ARMH4: variants seen among roughly 807,000 people sequenced by gnomAD.
ARMH4 encodes armadillo like helical domain containing 4.
ARMH4 carries 49 observed loss-of-function variants against 61.9 expected under a neutral mutation model. The ratio of observed to expected loss-of-function variants is 0.79; its 90% CI spans 0.63 to 1.00. ARMH4 has a LOEUF of 1.00. Among genes scored for constraint, ARMH4 ranks in the 50% least tolerant of loss-of-function variants. The pLI, the probability that ARMH4 is intolerant of heterozygous loss-of-function variation, is 0.00. For missense variants in ARMH4, 934 were observed against 930.0 expected, an observed-to-expected ratio of 1.00 and a Z score of -0.06; for synonymous variants, 368 against 341.5, an observed-to-expected ratio of 1.08 and a Z score of -0.85.
At chr14:58,091,430 G>A (rs1301775745) in intron 5 of ARMH4, among the ~76,000 whole-genome samples, 1 of 152,154 alleles carries the variant, frequency 6.6e-6, no homozygotes, top group Non-Finnish European at 1.5e-5. Flanking sequence ...AGACCCAGGA[G>A]CTTTATTTCT....
At chr14:58,027,900 T>C (rs543737936) in intron 5 of ARMH4, among the ~76,000 whole-genome samples, 1 of 152,358 alleles carries the variant, frequency 6.6e-6, no homozygotes, top group South Asian at 2.1e-4. Context: ...AGAACTTTTC[T>C]GCCATCTAAA....
intron 5 of ARMH4, among the ~76,000 whole-genome samples, chr14:58,015,813 AC>A (rs1882590867): frequency 6.6e-6 from 1 of 151,310 alleles, no homozygotes; most frequent in Admixed American, 6.6e-5. Context: ...TAATCCCAGC[AC>A]TTCGGGAGGC....
chr14:58,027,105 G>A (rs903454215), intron 5 of ARMH4, among the ~76,000 whole-genome samples: 3 of 152,136 alleles, frequency 2.0e-5, no homozygotes, highest in Non-Finnish European at 4.4e-5. Context: ...TCACAATAAT[G>A]GGCAAATACC....
chr14:58,096,594 T>G (rs756000484), intron 5 of ARMH4, 130 bp downstream of exon 5: 38 of 1,008,850 alleles, frequency 3.8e-5, no homozygotes, highest in Non-Finnish European at 5.0e-5. Flanking sequence ...CACCCATAAA[T>G]GTAGAAACCA....
chr14:58,008,253 GA>G (rs1882258705), intron 6 of ARMH4, among the ~76,000 whole-genome samples: 1 of 152,116 alleles, frequency 6.6e-6, no homozygotes, highest in Non-Finnish European at 1.5e-5. Flanking sequence ...AATGGTTCAG[GA>G]AAAAAGAGGA....
At chr14:58,029,775 C>G (rs1417451521) in intron 5 of ARMH4, among the ~76,000 whole-genome samples, 4 of 152,116 alleles carry the variant, frequency 2.6e-5, no homozygotes, top group African/African-American at 9.7e-5. Flanking sequence ...AATGATGCAG[C>G]CACTGTGGAA....
chr14:58,123,379 AC>A (rs1208561845), intron 4 of ARMH4, among the ~76,000 whole-genome samples: 1 of 152,126 alleles, frequency 6.6e-6, no homozygotes, highest in Non-Finnish European at 1.5e-5. Context: ...CAAAGGCAGT[AC>A]CCCCTTAGAC....
chr14:58,138,159 G>C lies in ARMH4; in HGVS notation c.1200C>G (p.Pro400=). 6.2e-7 allele frequency: 1 copy of C among 1,614,128 alleles called. No individual in the cohort carries two copies. The highest frequency in any genetic ancestry group is 8.5e-7 in the Non-Finnish European group (1 of 1,180,016). The change falls in exon 2 of 8, where the codon CCC becomes CCG. Residue 400 remains proline (P), a synonymous_variant. Transcript: ENST00000267485. ...CTTTCATGTCTTCCATCAGACTTGTGGGGGTAAAGGAACTTTGATCAGTGA... is the reference window on the plus strand; with the variant it reads ...CTTTCATGTCTTCCATCAGACTTGTCGGGGTAAAGGAACTTTGATCAGTGA... ...PAFTDQSSFT[P]TSLMEDMKVS...
intron 1 of ARMH4, among the ~76,000 whole-genome samples, chr14:58,151,167 G>C (rs1887906690): frequency 6.6e-6 from 1 of 152,194 alleles, no homozygotes; most frequent in Admixed American, 6.5e-5. Flanking sequence ...TTCCACATCA[G>C]TTCTGCACTG....
At chr14:58,114,081 G>T (rs575115782) in intron 4 of ARMH4, among the ~76,000 whole-genome samples, 107 of 152,056 alleles carry the variant, frequency 7.0e-4, no homozygotes, top group Non-Finnish European at 8.1e-4. Flanking sequence ...TTGTTAATTT[G>T]TTGATATTTT....
Position 58,106,155 on chromosome 14 carries a change from T to C in ARMH4, c.1832-9174A>G, listed in dbSNP as rs1239213122. Among the ~76,000 whole-genome samples, 8 of 152,338 alleles carry C rather than the reference T, an allele frequency of 5.3e-5. No homozygotes were observed. The South Asian group carries it at 1.7e-3, about 32-fold the overall frequency. On this transcript the variant is annotated intron_variant, in intron 4 of 7. Transcript: ENST00000267485. ...CATCTCTTTAGAAGACGTGTCCCAC[T>C]GAGTCCAGCATGCACAGACAGGAAC... is the stretch of plus-strand genomic sequence containing the variant.
At chr14:58,119,670 C>T (rs542546197) in intron 4 of ARMH4, among the ~76,000 whole-genome samples, 38 of 152,204 alleles carry the variant, frequency 2.5e-4, no homozygotes, top group Admixed American at 2.1e-3. Context: ...TCCTCAAAAA[C>T]GACATGTATC....
intron 1 of ARMH4, among the ~76,000 whole-genome samples, chr14:58,146,007 A>G (rs1285094779): frequency 6.6e-6 from 1 of 152,252 alleles, no homozygotes; most frequent in Non-Finnish European, 1.5e-5. Flanking sequence ...TGGGAGTTAC[A>G]TGATGCTCAA....
At chr14:58,032,129 C>A (rs997464803) in intron 5 of ARMH4, among the ~76,000 whole-genome samples, 1 of 152,024 alleles carries the variant, frequency 6.6e-6, no homozygotes, top group African/African-American at 2.4e-5. Flanking sequence ...GGCCCTTCGT[C>A]GGAGAGGTCT....
At chr14:58,109,950 G>A (rs1886295797) in intron 4 of ARMH4, among the ~76,000 whole-genome samples, 1 of 152,208 alleles carries the variant, frequency 6.6e-6, no homozygotes, top group Admixed American at 6.5e-5. Flanking sequence ...AAGACCATGA[G>A]TGAGTGTGAA....
At chr14:58,058,871 A>G (rs546996528) in intron 5 of ARMH4, among the ~76,000 whole-genome samples, 1 of 152,368 alleles carries the variant, frequency 6.6e-6, no homozygotes, top group Non-Finnish European at 1.5e-5. Context: ...TAATTGCCCC[A>G]GAATGAAAAG....
At chr14:58,144,318 C>T (rs1594784503) in intron 1 of ARMH4, among the ~76,000 whole-genome samples, 1 of 152,082 alleles carries the variant, frequency 6.6e-6, no homozygotes, top group African/African-American at 2.4e-5. Flanking sequence ...AGTCCCAATA[C>T]TTTGAGAGGC....
At chr14:58,013,020 A>C (rs929521436) in intron 5 of ARMH4, among the ~76,000 whole-genome samples, 4 of 152,200 alleles carry the variant, frequency 2.6e-5, no homozygotes, top group Admixed American at 1.3e-4. Context: ...AGACAGGAGG[A>C]AAAAAAGACA....
At position 58,125,374 on chromosome 14, in the gene ARMH4, C is replaced by G. The variant is rs368617426; in HGVS notation, c.1831+6138G>C. ...AATAGAAATTACTTAAAAACCTTCA[C>G]CAAACCTTTCAGTTAGGCATTGATA... On this transcript the variant is annotated intron_variant, in intron 4 of 7. Coordinates refer to ENST00000267485, the MANE Select transcript of ARMH4 (RefSeq NM_001001872.4). 5.3e-5 allele frequency among the ~76,000 whole-genome samples: 8 copies of G among 152,308 alleles called. No homozygotes were observed. The East Asian group carries it at 1.2e-3, about 22-fold the overall frequency.
Sources: allele counts gnomAD v4.1 joint callset (sites outside exome capture counted in the v4.1 genomes callset), GRCh38; gene constraint gnomAD v4.1.1; transcripts MANE v1.5; gene names NCBI Gene and HGNC (gene_info 2026-07-23, HGNC 2026-07-21).